The following CTCF variants were observed in gnomAD, a reference collection of about 807,000 sequenced individuals.
CTCF encodes CCCTC-binding factor, also known as transcriptional repressor CTCF.
CTCF carries 7 observed loss-of-function variants against 72.3 expected under a neutral mutation model. The observed-to-expected ratio is 0.10, with a 90% CI of 0.06 to 0.18. The LOEUF (loss-of-function observed/expected upper bound fraction) is 0.18, where lower values mean the gene tolerates loss of function less well. Among genes scored for constraint, CTCF ranks in the 10% least tolerant of loss-of-function variants. The pLI is 1.00. For missense variants in CTCF, 516 were observed against 949.1 expected (o/e 0.54, Z 6.00); for synonymous variants, 374 against 315.8 (o/e 1.18, Z -1.95).
intron 11 of CTCF, among the ~76,000 whole-genome samples, chr16:67,637,068 A>G (rs904528936): frequency 7.9e-5 from 12 of 152,236 alleles, no homozygotes; most frequent in Non-Finnish European, 1.5e-4. Flanking sequence ...GAAGAAGTCC[A>G]GAGTAGAAGG....
chr16:67,609,738 C>G (rs572764964), intron 2 of CTCF, among the ~76,000 whole-genome samples: 3 of 152,068 alleles, frequency 2.0e-5, no homozygotes, highest in Non-Finnish European at 4.4e-5. Context: ...ATTCTCCTGC[C>G]TCAGCCTCCC....
chr16:67,571,977 A>C (rs1249085176), intron 2 of CTCF, among the ~76,000 whole-genome samples: 1 of 152,156 alleles, frequency 6.6e-6, no homozygotes, highest in Non-Finnish European at 1.5e-5. Flanking sequence ...TTCTCACGGT[A>C]CCGGAAAGCA....
At chr16:67,586,459 C>T (rs2051669965) in intron 2 of CTCF, among the ~76,000 whole-genome samples, 1 of 151,774 alleles carries the variant, frequency 6.6e-6, no homozygotes, top group Non-Finnish European at 1.5e-5. Flanking sequence ...TTGCTTGAAC[C>T]CGGGAGGCAG....
chr16:67,589,954 G>A (rs1439898618), intron 2 of CTCF, among the ~76,000 whole-genome samples: 1 of 152,098 alleles, frequency 6.6e-6, no homozygotes, highest in Non-Finnish European at 1.5e-5. Context: ...TGGCATGATG[G>A]TGGGCATTTG....
chr16:67,608,584 A>C (rs567148341), intron 2 of CTCF, among the ~76,000 whole-genome samples: 75 of 152,184 alleles, frequency 4.9e-4, no homozygotes, highest in Non-Finnish European at 8.5e-4. Flanking sequence ...TCAGTTATGC[A>C]AGATGAGTAA....
rs1486139158 is a variant in CTCF, at chr16:67,571,203, C to G, written c.-71C>G. 1 of 152,566 alleles carries G rather than the reference C, an allele frequency of 6.6e-6. No homozygotes were observed. The allele number at this position is 152,566 out of a possible 1,614,324, so 9.5% of individuals were successfully genotyped here. A position where few individuals can be genotyped will look rare whatever the true frequency, so the allele number is the denominator to read the frequency against. On this transcript the variant is annotated 5_prime_UTR_variant, in exon 2 of 12. Transcript: ENST00000264010. ...GATGCGCTAGTGGACAGATTGCTGA[C>G]CAGGGGCTTGAGAGCTGGGTTCTAT... is the stretch of plus-strand genomic sequence containing the variant.
At chr16:67,566,177 A>G (rs960817632) in intron 1 of CTCF, among the ~76,000 whole-genome samples, 1 of 152,158 alleles carries the variant, frequency 6.6e-6, no homozygotes, top group Non-Finnish European at 1.5e-5. Context: ...ATGGCAAATA[A>G]TGTGTAACTT....
chr16:67,592,564 G>T (rs1433463386), intron 2 of CTCF, among the ~76,000 whole-genome samples: 4 of 151,958 alleles, frequency 2.6e-5, no homozygotes, highest in Admixed American at 2.0e-4. Context: ...AAATTAGCCG[G>T]CATGGTGGCA....
At chr16:67,574,650 CTTTTTTTT>C (rs1162960134) in intron 2 of CTCF, among the ~76,000 whole-genome samples, 1 of 96,966 alleles carries the variant, frequency 1.0e-5, no homozygotes, top group South Asian at 3.7e-4. Flanking sequence ...CCAAAAGCAT[CTTTTTTTT>C]TTTTTTTTTT....
intron 1 of CTCF, among the ~76,000 whole-genome samples, chr16:67,567,705 T>G (rs544876109): frequency 6.6e-6 from 1 of 151,406 alleles, no homozygotes; most frequent in Non-Finnish European, 1.5e-5. Context: ...GTCTTCCTGC[T>G]GCAGCCTCCC....
chr16:67,630,223 C>T (rs145307425), intron 10 of CTCF, among the ~76,000 whole-genome samples: 66 of 152,256 alleles, frequency 4.3e-4, no homozygotes, highest in African/African-American at 1.4e-3. Flanking sequence ...TAGATAAGAG[C>T]AGTGAATCTA....
intron 9 of CTCF, among the ~76,000 whole-genome samples, chr16:67,629,103 A>G (rs1005689858): frequency 2.1e-5 from 3 of 141,370 alleles, no homozygotes; most frequent in African/African-American, 8.0e-5. Context: ...ACCCCACCCT[A>G]CCCCACCCTT....
rs745500490 is a variant in CTCF at position 67,575,858 on chromosome 16, C to A, written c.-10+4594C>A. 1.2e-4 allele frequency among the ~76,000 whole-genome samples: 18 copies of A among 151,990 alleles called. 1 individual carries two copies. Among genetic ancestry groups the A allele is most frequent in the African/African-American group, 2.4e-5 (1 of 41,370 alleles). ...CCATAGGAAAATGGGTTAGATTTAT[C>A]AGAAAATCTGTTGAGCAGTAGAGAA... On this transcript the variant is annotated intron_variant, in intron 2 of 11. Transcript: ENST00000264010.
intron 1 of CTCF, among the ~76,000 whole-genome samples, chr16:67,565,042 C>T (rs910406058): frequency 6.6e-6 from 1 of 151,980 alleles, no homozygotes; most frequent in African/African-American, 2.4e-5. Flanking sequence ...GTTCTGTCCC[C>T]TAGGCTGGAG....
Position 67,637,966 on chromosome 16 carries a change from G to T in CTCF, c.*94G>T. The T allele has an allele frequency of 8.5e-7, 1 of 1,179,840 alleles. No individual in the cohort carries two copies. The highest frequency in any genetic ancestry group is 1.2e-6 in the Non-Finnish European group (1 of 862,928). 73.1% of individuals were successfully genotyped at this position (1,179,840 alleles called of 1,614,324 possible). On this transcript the variant is annotated 3_prime_UTR_variant, in exon 12 of 12. Coordinates refer to ENST00000264010, the MANE Select transcript of CTCF (RefSeq NM_006565.4). ...TCCCTTCTTTCTTTTTTTGGCTTTG[G>T]GAAAAGCATCATTTTACCAAACATA... is the stretch of plus-strand genomic sequence containing the variant.
intron 10 of CTCF, among the ~76,000 whole-genome samples, chr16:67,634,172 T>C (rs1325200298): frequency 6.6e-6 from 1 of 152,120 alleles, no homozygotes; most frequent in African/African-American, 2.4e-5. Context: ...TTAAATGGGC[T>C]TTTGTTTTGT....
At chr16:67,636,068 C>CA (rs1252391289) in intron 10 of CTCF, among the ~76,000 whole-genome samples, 1 of 152,008 alleles carries the variant, frequency 6.6e-6, no homozygotes, top group African/African-American at 2.4e-5. Flanking sequence ...CCCATCTCTA[C>CA]AAAAAATACA....
chr16:67,624,210 C>T (rs1446911034), intron 7 of CTCF, among the ~76,000 whole-genome samples: 2 of 150,740 alleles, frequency 1.3e-5, no homozygotes, highest in East Asian at 1.9e-4. Context: ...TGTATGTCTT[C>T]ACCCTCTAGG....
chr16:67,622,355 C>CAA (rs755436008), intron 7 of CTCF, among the ~76,000 whole-genome samples: 1 of 133,448 alleles, frequency 7.5e-6, no homozygotes. Flanking sequence ...GACTCTGTCT[C>CAA]AAAAAAAAAA....
Sources: allele counts gnomAD v4.1 joint callset (sites outside exome capture counted in the v4.1 genomes callset), GRCh38; gene constraint gnomAD v4.1.1; transcripts MANE v1.5; gene names NCBI Gene and HGNC (gene_info 2026-07-23, HGNC 2026-07-21).